TVP23B: variants seen among roughly 807,000 people sequenced by gnomAD.
TVP23B encodes the protein trans-golgi network vesicle protein 23 homolog B.
A neutral mutation model predicts 30.6 loss-of-function variants in TVP23B; 10 were observed. The observed-to-expected ratio is 0.33, with a 90% CI of 0.20 to 0.55. The LOEUF (loss-of-function observed/expected upper bound fraction) is 0.55. Among genes scored for constraint, TVP23B ranks in the 20% least tolerant of loss-of-function variants. The probability of loss-of-function intolerance (pLI) is 0.91; values close to 1 mark genes in which losing one functional copy is unlikely to be tolerated. For synonymous variants in TVP23B, 67 were observed against 83.1 expected, an observed-to-expected ratio of 0.81 and a Z score of 1.06; for missense variants, 153 against 243.2, an observed-to-expected ratio of 0.63 and a Z score of 2.47.
At chr17:18,785,413 C>T (rs1444585271) in intron 1 of TVP23B, among the ~76,000 whole-genome samples, 5 of 140,480 alleles carry the variant, frequency 3.6e-5, no homozygotes, top group African/African-American at 1.3e-4. Flanking sequence ...TAAATCTGTA[C>T]CACTTACAGC....
chr17:18,792,553 TTTG>T (rs2036013528), intron 3 of TVP23B, among the ~76,000 whole-genome samples: 1 of 152,264 alleles, frequency 6.6e-6, no homozygotes, highest in Non-Finnish European at 1.5e-5. Context: ...CACGTTTCTT[TTTG>T]TTGTTCATAA....
intron 5 of TVP23B, among the ~76,000 whole-genome samples, chr17:18,800,547 G>C (rs1421668278): frequency 6.6e-6 from 1 of 152,008 alleles, no homozygotes; most frequent in Non-Finnish European, 1.5e-5. Flanking sequence ...TTTGGAAGAT[G>C]CTATTCCATC....
chr17:18,788,669 C>A (rs1230952762), intron 1 of TVP23B, among the ~76,000 whole-genome samples: 2 of 151,832 alleles, frequency 1.3e-5, no homozygotes, highest in East Asian at 2.0e-4. Context: ...GTAATCCCAA[C>A]AACTTGGAAG....
intron 3 of TVP23B, chr17:18,797,349 T>G (rs1484777629): frequency 1.6e-5 from 8 of 515,708 alleles, no homozygotes; most frequent in Non-Finnish European, 2.9e-5. Flanking sequence ...GTGTAATGTT[T>G]ATGGGTGGAC....
chr17:18,785,746 A>T (rs947547983), intron 1 of TVP23B, among the ~76,000 whole-genome samples: 16 of 151,992 alleles, frequency 1.1e-4, no homozygotes, highest in African/African-American at 3.9e-4. Context: ...GGCTTGCAGT[A>T]CTCAGGAGGC....
At chr17:18,799,702 C>CT (rs1343867741) in intron 5 of TVP23B, among the ~76,000 whole-genome samples, 2 of 151,928 alleles carry the variant, frequency 1.3e-5, no homozygotes, top group African/African-American at 4.8e-5. Flanking sequence ...GAGTCTTACT[C>CT]TTTTTTATAT....
At chr17:18,797,376 C>G (rs2036091792) in intron 3 of TVP23B, 1 of 726,760 alleles carries the variant, frequency 1.4e-6, no homozygotes, top group Non-Finnish European at 2.2e-6. Context: ...CTTGCTCTGT[C>G]ACCTCTACCC....
chr17:18,785,621 C>T (rs572233648), intron 1 of TVP23B, among the ~76,000 whole-genome samples: 3 of 152,158 alleles, frequency 2.0e-5, no homozygotes, highest in East Asian at 1.9e-4. Context: ...TGCCTCTAAT[C>T]GTAGCACTTT....
chr17:18,788,792 AAAAG>A (rs2035949382), intron 1 of TVP23B, among the ~76,000 whole-genome samples: 1 of 152,190 alleles, frequency 6.6e-6, no homozygotes, highest in Non-Finnish European at 1.5e-5. Context: ...ACAACAACAA[AAAAG>A]AAAGATCCAA....
At chr17:18,783,637 A>T (rs2035848582) in intron 1 of TVP23B, among the ~76,000 whole-genome samples, 1 of 152,118 alleles carries the variant, frequency 6.6e-6, no homozygotes, top group African/African-American at 2.4e-5. Flanking sequence ...GCCTAGTTGC[A>T]TGTTTACTCA....
In TVP23B at chr17:18,781,258, C is replaced by T; in HGVS notation, c.-36C>T. ...CCGGACCCGTACGCTGCTGCGCTGA[C>T]GTGGCTCCCGGAAGTAGGGCTGGCG... is the stretch of plus-strand genomic sequence containing the variant. On this transcript the variant is annotated 5_prime_UTR_variant, in exon 1 of 7. It adds an upstream start codon to the 5' untranslated region. Transcript: ENST00000307767. The T allele has an allele frequency of 1.3e-6, 2 of 1,562,180 alleles. No individual in the cohort carries two copies. Among genetic ancestry groups the T allele is most frequent in the South Asian group, 2.4e-5 (2 of 84,916 alleles).
chr17:18,804,026 A>G, intron 5 of TVP23B, 112 bp from the exon 6 acceptor site: 2 of 644,192 alleles, frequency 3.1e-6, no homozygotes, highest in East Asian at 2.6e-5. Flanking sequence ...ATGGCTTTGC[A>G]GAGCTTCCTC....
chr17:18,798,428 C>A (rs1283186529), intron 4 of TVP23B, among the ~76,000 whole-genome samples: 1 of 151,728 alleles, frequency 6.6e-6, no homozygotes, highest in Admixed American at 6.6e-5. Flanking sequence ...CCTCTGGACC[C>A]TAATTTGACC....
At chr17:18,798,057 A>C (rs915598124) in intron 4 of TVP23B, among the ~76,000 whole-genome samples, 5 of 150,940 alleles carry the variant, frequency 3.3e-5, no homozygotes, top group African/African-American at 9.7e-5. Context: ...ATTTCTGGGC[A>C]GGAAAAAGGA....
rs756811183 is a variant in TVP23B, at chr17:18,783,090, T to TTTA, written c.12+1786_12+1787insTAT. Among the ~76,000 whole-genome samples the TTTA allele has an allele frequency of 1.8e-5, 2 of 109,130 alleles. 1 individual carries two copies. Among genetic ancestry groups the TTTA allele is most frequent in the Non-Finnish European group, 4.0e-5 (2 of 49,746 alleles). 71.6% of individuals were successfully genotyped at this position (109,130 alleles called of 152,430 possible). On this transcript the variant is annotated intron_variant, in intron 1 of 6. Coordinates refer to ENST00000307767, the MANE Select transcript of TVP23B (RefSeq NM_016078.6). ...ACTGTTCCCACTATTTATTTATTTA[T>TTTA]TGATTGATTGATTGATTCATTCATT...
chr17:18,781,456 G>C, intron 1 of TVP23B, 151 bp downstream of exon 1: 1 of 1,394,694 alleles, frequency 7.2e-7, no homozygotes, highest in Admixed American at 2.5e-5. Flanking sequence ...GTAGTTGTCT[G>C]AGGAGGGCTG....
chr17:18,785,315 C>T (rs1360456832), intron 1 of TVP23B, among the ~76,000 whole-genome samples: 1 of 151,928 alleles, frequency 6.6e-6, no homozygotes, highest in Non-Finnish European at 1.5e-5. Context: ...TGATTTTGCC[C>T]CGAAATCTTT....
chr17:18,784,165 CA>C (rs749543239), intron 1 of TVP23B, among the ~76,000 whole-genome samples: 3 of 148,506 alleles, frequency 2.0e-5, no homozygotes, highest in Admixed American at 2.0e-4. Context: ...AACAAACAAA[CA>C]AAACAAACTT....
intron 1 of TVP23B, 42 bp from the exon 2 acceptor site, chr17:18,789,311 T>C: frequency 7.4e-6 from 12 of 1,613,716 alleles, no homozygotes; most frequent in Non-Finnish European, 1.0e-5. Flanking sequence ...GTGTAAACAC[T>C]GAATTTTGTT....
Sources: allele counts gnomAD v4.1 joint callset (sites outside exome capture counted in the v4.1 genomes callset), GRCh38; gene constraint gnomAD v4.1.1; transcripts MANE v1.5; gene names NCBI Gene and HGNC (gene_info 2026-07-23, HGNC 2026-07-21).